The following INPP4B variants were observed in gnomAD, a reference collection of about 807,000 sequenced individuals.
INPP4B encodes inositol polyphosphate 4-phosphatase type II.
In INPP4B, 55 loss-of-function variants were observed where a neutral mutation model predicts 122.5. The ratio of observed to expected loss-of-function variants is 0.45; its 90% CI spans 0.36 to 0.56. The LOEUF (loss-of-function observed/expected upper bound fraction) is 0.56, where lower values mean the gene tolerates loss of function less well. Among genes scored for constraint, INPP4B ranks in the 20% least tolerant of loss-of-function variants. The probability of loss-of-function intolerance (pLI) is 0.00; values close to 1 mark genes in which losing one functional copy is unlikely to be tolerated. For synonymous variants in INPP4B, 403 were observed against 388.7 expected (o/e 1.04, Z -0.43); for missense variants, 1,000 against 1,097.7 (o/e 0.91, Z 1.26).
intron 7 of INPP4B, among the ~76,000 whole-genome samples, chr4:142,384,556 AC>A (rs1795299465): frequency 6.6e-6 from 1 of 151,742 alleles, no homozygotes; most frequent in Non-Finnish European, 1.5e-5. Context: ...CACTTACAGT[AC>A]TAGAGTCTTA....
At chr4:142,123,527 A>G in intron 19 of INPP4B, 112 bp from the exon 20 acceptor site, 2 of 955,148 alleles carry the variant, frequency 2.1e-6, no homozygotes, top group South Asian at 3.5e-5. Context: ...GGTATGTATA[A>G]CAAAACTACA....
intron 25 of INPP4B, among the ~76,000 whole-genome samples, chr4:142,054,688 C>A (rs2667099): frequency 2.0e-5 from 3 of 151,806 alleles, no homozygotes; most frequent in African/African-American, 4.8e-5. Flanking sequence ...TTGCTAAGAC[C>A]AGTGCTATGC....
intron 1 of INPP4B, among the ~76,000 whole-genome samples, chr4:142,761,212 T>C (rs1385009307): frequency 6.6e-6 from 1 of 151,874 alleles, no homozygotes; most frequent in Non-Finnish European, 1.5e-5. Flanking sequence ...ATCCACACCT[T>C]ATTGAGCATT....
intron 11 of INPP4B, among the ~76,000 whole-genome samples, chr4:142,245,967 T>C (rs549798055): frequency 0.013 from 193 of 14,928 alleles, 41 homozygotes; most frequent in African/African-American, 0.037. Flanking sequence ...TGTGTATGTA[T>C]ACACACATGT....
intron 17 of INPP4B, among the ~76,000 whole-genome samples, chr4:142,152,791 T>C (rs182127070): frequency 6.6e-6 from 1 of 152,278 alleles, no homozygotes; most frequent in Non-Finnish European, 1.5e-5. Context: ...CACAACCACC[T>C]GCATCCTTAG....
intron 3 of INPP4B, among the ~76,000 whole-genome samples, chr4:142,445,234 G>A (rs1018369844): frequency 2.0e-5 from 3 of 151,890 alleles, no homozygotes; most frequent in Non-Finnish European, 4.4e-5. Flanking sequence ...GAAAAAGCAC[G>A]ATAAGCAAAA....
intron 21 of INPP4B, among the ~76,000 whole-genome samples, chr4:142,119,261 A>G (rs1359257050): frequency 1.3e-5 from 2 of 152,200 alleles, no homozygotes; most frequent in South Asian, 2.1e-4. Flanking sequence ...ATCTAGAACT[A>G]GAAATACCAT....
chr4:142,621,165 A>G (rs901941608), intron 2 of INPP4B, among the ~76,000 whole-genome samples: 2 of 151,864 alleles, frequency 1.3e-5, no homozygotes, highest in African/African-American at 4.8e-5. Flanking sequence ...CTGCTACTTT[A>G]TTATGCAAAT....
At chr4:142,641,410 C>A (rs1750412632) in intron 2 of INPP4B, among the ~76,000 whole-genome samples, 1 of 142,052 alleles carries the variant, frequency 7.0e-6, no homozygotes, top group South Asian at 2.6e-4. Context: ...CTAATGCTAT[C>A]CCTACCCCCT....
intron 7 of INPP4B, among the ~76,000 whole-genome samples, chr4:142,332,071 A>C (rs913712831): frequency 6.6e-6 from 1 of 152,212 alleles, no homozygotes; most frequent in Non-Finnish European, 1.5e-5. Flanking sequence ...AGGTTTCCTT[A>C]AGTGTATTTT....
chr4:142,761,037 C>T (rs1771259120), intron 1 of INPP4B, among the ~76,000 whole-genome samples: 1 of 152,048 alleles, frequency 6.6e-6, no homozygotes, highest in Non-Finnish European at 1.5e-5. Flanking sequence ...TGTATTCTCC[C>T]AAATCTTGCA....
chr4:142,288,053 G>A (rs1378014359), intron 9 of INPP4B, among the ~76,000 whole-genome samples: 1 of 152,052 alleles, frequency 6.6e-6, no homozygotes, highest in African/African-American at 2.4e-5. Context: ...CACTCATCAA[G>A]TCATCCAAAC....
intron 7 of INPP4B, among the ~76,000 whole-genome samples, chr4:142,332,560 G>C (rs1401674109): frequency 6.6e-6 from 1 of 152,016 alleles, no homozygotes; most frequent in African/African-American, 2.4e-5. Context: ...AGGGGTGTTT[G>C]AGCTAGATAA....
chr4:142,152,622 G>C (rs1045603027), intron 17 of INPP4B, among the ~76,000 whole-genome samples: 1 of 151,882 alleles, frequency 6.6e-6, no homozygotes, highest in Non-Finnish European at 1.5e-5. Context: ...TTAGAGATAA[G>C]ATCTTCTGTT....
intron 2 of INPP4B, among the ~76,000 whole-genome samples, chr4:142,683,983 G>A (rs1002968877): frequency 1.3e-5 from 2 of 151,934 alleles, no homozygotes; most frequent in African/African-American, 2.4e-5. Flanking sequence ...AAAGGCAAAG[G>A]AGAACATGGT....
In INPP4B at chr4:142,145,994, G is replaced by C. The variant is rs1366013162; in HGVS notation, c.1566C>G (p.Asp522Glu). The change falls in exon 18 of 26, where the codon GAC becomes GAG. Residue 522 changes from aspartate to glutamate, a missense_variant and splice_region_variant. Asp to Glu is a conservative substitution (Grantham distance 45). Transcript: ENST00000262992. Reference protein sequence around the residue: ...HHSDYDEEEWDRVWANVGKSL... With the variant: ...HHSDYDEEEWERVWANVGKSL... ...TCTTCCCCACATTGGCCCACACCCTGTCCTGAAAAAAGCATGAGTATCACT... is the reference window on the plus strand; with the variant it reads ...TCTTCCCCACATTGGCCCACACCCTCTCCTGAAAAAAGCATGAGTATCACT... 6.2e-7 allele frequency: 1 copy of C among 1,607,670 alleles called. No homozygotes were observed. Among genetic ancestry groups the C allele is most frequent in the East Asian group, 2.2e-5 (1 of 44,816 alleles).
intron 1 of INPP4B, among the ~76,000 whole-genome samples, chr4:142,810,737 C>A (rs1466731925): frequency 6.6e-6 from 1 of 152,184 alleles, no homozygotes; most frequent in Non-Finnish European, 1.5e-5. Context: ...TATGGTCACA[C>A]ATAAGGCTGT....
chr4:142,236,524 A>T (rs1051330113), intron 12 of INPP4B, among the ~76,000 whole-genome samples: 6 of 152,028 alleles, frequency 3.9e-5, no homozygotes, highest in Non-Finnish European at 8.8e-5. Flanking sequence ...GAGTCCATAC[A>T]TGTTGTCTGA....
At chr4:142,274,908 TTC>T (rs1161903305) in intron 9 of INPP4B, among the ~76,000 whole-genome samples, 2 of 151,772 alleles carry the variant, frequency 1.3e-5, no homozygotes, top group East Asian at 3.9e-4. Flanking sequence ...AATGTCAAGT[TTC>T]TCTTTCCCTC....
Sources: gnomAD v4.1 joint callset for allele counts (sites outside exome capture counted in the v4.1 genomes callset) on GRCh38, gnomAD v4.1.1 for gene constraint, MANE v1.5 for transcripts, NCBI Gene and HGNC (gene_info 2026-07-23, HGNC 2026-07-21) for gene names.